PLIN1: variants seen among roughly 807,000 people sequenced by gnomAD.
PLIN1 encodes the protein perilipin-1.
Under a neutral mutation model 45.8 loss-of-function variants are expected in PLIN1, and 37 were observed. The observed-to-expected ratio is 0.81, with a 90% confidence interval of 0.62 to 1.06. The LOEUF (loss-of-function observed/expected upper bound fraction) is 1.06, where lower values mean the gene tolerates loss of function less well. Ranked by LOEUF, PLIN1 falls within the 50% of genes least tolerant of loss-of-function variation. The pLI is 0.00. For synonymous variants in PLIN1, 340 were observed against 309.2 expected (o/e 1.10, Z -1.05); for missense variants, 776 against 716.5 (o/e 1.08, Z -0.95).
intron 7 of PLIN1, 45 bp from the exon 8 acceptor site, chr15:89,667,226 G>A: frequency 6.2e-7 from 1 of 1,608,710 alleles, no homozygotes; most frequent in Non-Finnish European, 8.5e-7. Flanking sequence ...TAACTCCCCT[G>A]ACCCTTCCCT....
At chr15:89,669,000 G>A (rs1473910011) in intron 6 of PLIN1, among the ~76,000 whole-genome samples, 1 of 151,720 alleles carries the variant, frequency 6.6e-6, no homozygotes, top group African/African-American at 2.4e-5. Context: ...GGGGAGTGGT[G>A]GGGAGTTAAC....
chr15:89,670,324 G>T, intron 4 of PLIN1, 80 bp from the exon 5 acceptor site: 2 of 1,465,608 alleles, frequency 1.4e-6, no homozygotes, highest in Non-Finnish European at 1.9e-6. Context: ...CTGGTGGCCT[G>T]AGCCCAGCTC....
intron 2 of PLIN1, among the ~76,000 whole-genome samples, chr15:89,675,422 C>CAAAA (rs71151523): frequency 1.3e-4 from 8 of 62,568 alleles, no homozygotes; most frequent in East Asian, 5.3e-4. Context: ...CTCTGAGCCA[C>CAAAA]AAAAAAAAAA....
chr15:89,671,644 G>A lies in PLIN1; in HGVS notation c.251-80C>T, dbSNP rs537704487. On this transcript the variant is annotated intron_variant, in intron 3 of 8. Transcript: ENST00000300055. ...GCAGTGGCTTCTGTGCCAAGGAAGT[G>A]ACTTGGAGCCCTCAAATCCCAAGGC... The A allele has an allele frequency of 4.2e-4, 441 of 1,060,430 alleles. 1 individual carries two copies. The African/African-American group carries it at 6.0e-3, about 14-fold the overall frequency. 65.7% of individuals were successfully genotyped at this position (1,060,430 alleles called of 1,614,324 possible). A position where few individuals can be genotyped will look rare whatever the true frequency, so the allele number is the denominator to read the frequency against.
At position 89,667,639 on chromosome 15, in the gene PLIN1, TCCTCCTCCGTGTCCTCTC is replaced by T; in HGVS notation, c.908_925del (p.Gly303_Glu308del). ...GTTCTCCTCAGTCTCCAATTCTTCC[TCCTCCTCCGTGTCCTCTC>T]CCTCCGTGTCTGTCTGGTCCTCATG... On this transcript the variant is annotated inframe_deletion, in exon 7 of 9. Coordinates refer to ENST00000300055, the MANE Select transcript of PLIN1 (RefSeq NM_002666.5). 1 of 1,612,912 alleles carries T rather than the reference TCCTCCTCCGTGTCCTCTC, an allele frequency of 6.2e-7. No individual in the cohort carries two copies.
chr15:89,665,893 T>A lies in PLIN1; in HGVS notation c.1259A>T (p.Asp420Val). 6.5e-7 allele frequency: 1 copy of A among 1,534,380 alleles called. No individual in the cohort carries two copies. Among genetic ancestry groups the A allele is most frequent in the Non-Finnish European group, 8.7e-7 (1 of 1,149,846 alleles). Reference sequence around the variant, plus strand: ...GCGCTCGACCTCGGCTGGTGGGTTGTCGATGTCCCGGAATTCGCTCTCGGG... The same window carrying A: ...GCGCTCGACCTCGGCTGGTGGGTTGACGATGTCCCGGAATTCGCTCTCGGG... Reference protein sequence around the residue: ...MEPESEFRDIDNPPAEVERRE... With the variant: ...MEPESEFRDIVNPPAEVERRE... The change falls in exon 9 of 9, where the codon GAC becomes GTC. Residue 420 changes from aspartate to valine, a missense_variant. Coordinates refer to ENST00000300055, the MANE Select transcript of PLIN1 (RefSeq NM_002666.5).
rs1330430408 is a variant in PLIN1 at position 89,665,122 on chromosome 15, A to C, written c.*461T>G. 5.7e-6 allele frequency: 2 copies of C among 349,124 alleles called. No individual in the cohort carries two copies. The highest frequency in any genetic ancestry group is 4.3e-5 in the African/African-American group (2 of 46,662). The allele number at this position is 349,124 out of a possible 1,614,324, so 21.6% of individuals were successfully genotyped here. ...CATCAGAGGGGGAACAGATCATCCT[A>C]GATCACAGAGGAGTTCAGTGCTAAG... On this transcript the variant is annotated 3_prime_UTR_variant, in exon 9 of 9. Coordinates refer to ENST00000300055, the MANE Select transcript of PLIN1 (RefSeq NM_002666.5).
At chr15:89,666,243 T>C (rs1361968923) in intron 8 of PLIN1, among the ~76,000 whole-genome samples, 1 of 152,166 alleles carries the variant, frequency 6.6e-6, no homozygotes, top group African/African-American at 2.4e-5. Flanking sequence ...AACTCTTCCT[T>C]GCAGCCCACA....
At chr15:89,677,598 G>T in intron 1 of PLIN1, 95 bp from the exon 2 acceptor site, 1 of 1,023,274 alleles carries the variant, frequency 9.8e-7, no homozygotes, top group Non-Finnish European at 1.6e-6. Flanking sequence ...CTAGGCCCAG[G>T]CTGCCTGGGG....
chr15:89,668,054 C>T (rs59537112), intron 6 of PLIN1, among the ~76,000 whole-genome samples: 2,805 of 152,318 alleles, frequency 0.018, 95 homozygotes, highest in African/African-American at 0.064. Flanking sequence ...CCATTTTCAA[C>T]ACCCAAAGAC....
chr15:89,667,094 TC>T lies in PLIN1; in HGVS notation c.1050del (p.Thr351HisfsTer37). On this transcript the variant is annotated frameshift_variant, in exon 8 of 9. Coordinates refer to ENST00000300055, the MANE Select transcript of PLIN1 (RefSeq NM_002666.5). LOFTEE classifies it high-confidence loss of function. ...CCCAGCACAGCTGCAGGTGCCCATG[TC>T]ACAGCCGAGATGGTGGTCTGGAGGG... is the stretch of plus-strand genomic sequence containing the variant. Reference protein sequence around the residue: ...QKTLQTTISAVTWAPAAVLGM... With the variant: ...QKTLQTTISAXTWAPAAVLGM... 6.2e-7 allele frequency: 1 copy of T among 1,614,122 alleles called. No homozygotes were observed. Among genetic ancestry groups the T allele is most frequent in the Non-Finnish European group, 8.5e-7 (1 of 1,179,996 alleles).
chr15:89,670,127 C>T lies in PLIN1; in HGVS notation c.451G>A (p.Glu151Lys), dbSNP rs758850408. The T allele has an allele frequency of 1.3e-5, 21 of 1,614,190 alleles. No individual in the cohort carries two copies. Among genetic ancestry groups the T allele is most frequent in the Non-Finnish European group, 1.6e-5 (19 of 1,180,030 alleles). The change falls in exon 5 of 9, where the codon GAG becomes AAG. Residue 151 changes from glutamate (E) to lysine (K), a missense_variant. Coordinates refer to ENST00000300055, the MANE Select transcript of PLIN1 (RefSeq NM_002666.5). ...KVLGAALAGC[E>K]LAWGVARDTA... is the part of the protein sequence containing the mutation. ...TCTCTGGCCACCCCCCAGGCAAGCT[C>T]GCACCCGGCCAAAGCGGCCCCCAGG...
At position 89,666,987 on chromosome 15, in the gene PLIN1, G is replaced by C. The variant is rs1964352815; in HGVS notation, c.1158C>G (p.Ala386=). ...CCACGTTGTCAGTAACGCCCTTCAGGGCATCTGATAGGGACATGGCCCTCC... is the reference window on the plus strand; with the variant it reads ...CCACGTTGTCAGTAACGCCCTTCAGCGCATCTGATAGGGACATGGCCCTCC... ...TKGRAMSLSD[A]LKGVTDNVVD... Residue 386 remains alanine (A), a synonymous_variant, in exon 8 of 9, where the codon GCC becomes GCG. Transcript: ENST00000300055. 2 of 1,613,982 alleles carry C rather than the reference G, an allele frequency of 1.2e-6. No individual in the cohort carries two copies. The highest frequency in any genetic ancestry group is 1.1e-5 in the South Asian group (1 of 91,080).
In PLIN1 at chr15:89,673,245, C is replaced by T. The variant is rs1413774754; in HGVS notation, c.215G>A (p.Ser72Asn). The T allele has an allele frequency of 7.6e-6, 12 of 1,577,552 alleles. No individual in the cohort carries two copies. The highest frequency in any genetic ancestry group is 9.5e-6 in the Non-Finnish European group (11 of 1,160,414). ...VQSASSLAAWSMEPVVRRLST... is the reference protein window; with the variant it reads ...VQSASSLAAWNMEPVVRRLST... Reference sequence around the variant, plus strand: ...CAGCCTGCGGACCACCGGCTCCATGCTCCAGGCAGCCAAGCTACTGGCGCT... The same window carrying T: ...CAGCCTGCGGACCACCGGCTCCATGTTCCAGGCAGCCAAGCTACTGGCGCT... Residue 72 changes from serine (S) to asparagine (N), a missense_variant, in exon 3 of 9, where the codon AGC (serine) becomes AAC (asparagine). Physicochemically the swap from Ser to Asn is conservative, Grantham distance 46. Transcript: ENST00000300055.
rs1596038315 is a variant in PLIN1, at chr15:89,666,032, T to TC, written c.1210-91dup. On this transcript the variant is annotated intron_variant, in intron 8 of 8. Transcript: ENST00000300055. ...GCCCCTTCCCGGGCCCCTCGATTGT[T>TC]CCCCCGGGAGCGGCCGTCAGGAGGA... 5 of 1,040,966 alleles carry TC rather than the reference T, an allele frequency of 4.8e-6. No homozygotes were observed. The Admixed American group carries it at 1.0e-4, about 21-fold the overall frequency. The allele number at this position is 1,040,966 out of a possible 1,614,324, so 64.5% of individuals were successfully genotyped here. A position where few individuals can be genotyped will look rare whatever the true frequency, so the allele number is the denominator to read the frequency against.
chr15:89,678,435 G>T (rs759948172), intron 1 of PLIN1, among the ~76,000 whole-genome samples: 3 of 151,850 alleles, frequency 2.0e-5, no homozygotes, highest in African/African-American at 4.8e-5. Context: ...GCTTGAGCCT[G>T]AGAGGTGGAG....
intron 2 of PLIN1, among the ~76,000 whole-genome samples, chr15:89,675,105 C>T (rs1182589486): frequency 6.6e-6 from 1 of 151,988 alleles, no homozygotes; most frequent in Non-Finnish European, 1.5e-5. Context: ...GACAGAATGA[C>T]ACCCTGTCTC....
At chr15:89,674,797 A>C (rs1165863632) in intron 2 of PLIN1, among the ~76,000 whole-genome samples, 1 of 152,096 alleles carries the variant, frequency 6.6e-6, no homozygotes, top group Non-Finnish European at 1.5e-5. Context: ...TCGTTTACAA[A>C]TGGTTCACAC....
chr15:89,674,646 C>T (rs193097941), intron 2 of PLIN1, among the ~76,000 whole-genome samples: 2 of 152,178 alleles, frequency 1.3e-5, no homozygotes, highest in East Asian at 3.9e-4. Context: ...CCTCCACCCC[C>T]CTGTTCCACA....
Sources: gnomAD v4.1 joint callset for allele counts (sites outside exome capture counted in the v4.1 genomes callset) on GRCh38, gnomAD v4.1.1 for gene constraint, MANE v1.5 for transcripts, NCBI Gene and HGNC (gene_info 2026-07-23, HGNC 2026-07-21) for gene names.